SANBR: variants seen among roughly 807,000 people sequenced by gnomAD.
SANBR encodes the protein SANT and BTB domain regulator of CSR, also known as SANT and BTB domain regulator of class switch recombination.
A neutral mutation model predicts 101.8 loss-of-function variants in SANBR; 77 were observed. That is an observed-to-expected ratio of 0.76 (90% confidence interval 0.63 to 0.91). The LOEUF is 0.91. SANBR is among the 40% of genes least tolerant of loss of function. The pLI is 0.00. For synonymous variants in SANBR, 279 were observed against 274.7 expected, an observed-to-expected ratio of 1.02 and a Z score of -0.15; for missense variants, 875 against 853.0, an observed-to-expected ratio of 1.03 and a Z score of -0.32.
intron 16 of SANBR, among the ~76,000 whole-genome samples, chr2:61,115,255 A>G (rs964490637): frequency 6.6e-5 from 10 of 151,958 alleles, no homozygotes; most frequent in Non-Finnish European, 1.3e-4. Context: ...TGCCTCTTCA[A>G]TTTGTTTTGA....
At chr2:61,131,916 G>A (rs1007442985) in intron 20 of SANBR, among the ~76,000 whole-genome samples, 3 of 152,160 alleles carry the variant, frequency 2.0e-5, no homozygotes, top group Non-Finnish European at 4.4e-5. Context: ...TTCATCAAGG[G>A]TGAAAAAGAA....
At position 61,095,911 on chromosome 2, in the gene SANBR, T is replaced by G. The variant is rs77136657; in HGVS notation, c.1213-1789T>G. On this transcript the variant is annotated intron_variant, in intron 11 of 21. Transcript: ENST00000402291. ...TCCCCAACAGCTATTAATGGTATTA[T>G]CCATTCAGGTCTTTCTTCACCCCAG... Among the ~76,000 whole-genome samples, 245 of 152,268 alleles carry G rather than the reference T, an allele frequency of 1.6e-3. 1 individual carries two copies. The highest frequency in any genetic ancestry group is 5.7e-3 in the African/African-American group (235 of 41,554).
intron 5 of SANBR, 38 bp from the exon 6 acceptor site, chr2:61,076,882 C>G (rs1681814693): frequency 1.4e-6 from 2 of 1,452,300 alleles, no homozygotes; most frequent in African/African-American, 2.8e-5. Flanking sequence ...TTTTCTAAAA[C>G]TCTAATAATT....
chr2:61,105,365 C>CAA (rs976027751), intron 13 of SANBR, among the ~76,000 whole-genome samples: 2 of 132,974 alleles, frequency 1.5e-5, no homozygotes, highest in African/African-American at 5.5e-5. Context: ...GACTCCGTCT[C>CAA]AAAAAAAAAA....
chr2:61,071,884 G>A, intron 4 of SANBR, 92 bp downstream of exon 4: 1 of 784,838 alleles, frequency 1.3e-6, no homozygotes, highest in South Asian at 1.8e-5. Flanking sequence ...TTTGTTTAAA[G>A]GCTAATATAA....
intron 11 of SANBR, among the ~76,000 whole-genome samples, chr2:61,093,596 AAG>A (rs1241029592): frequency 6.6e-6 from 1 of 152,164 alleles, no homozygotes; most frequent in African/African-American, 2.4e-5. Flanking sequence ...TCTGTCTCAA[AAG>A]AGAAAAAAAA....
At chr2:61,127,256 A>G (rs1187466805), downstream of SANBR, among the ~76,000 whole-genome samples, 1 of 152,152 alleles carries the variant, frequency 6.6e-6, no homozygotes, top group Non-Finnish European at 1.5e-5. Context: ...GGTATCTCCA[A>G]TATCTGGACT....
At position 61,122,334 on chromosome 2, in the gene SANBR, C is replaced by G. The variant is rs932519277; in HGVS notation, c.*172C>G. The stretch of plus-strand genomic sequence containing the variant: ...ATGCATAGTTAGGTTTTATGAAAAT[C>G]TAATTGTAAATATGAAACTTTTTAA... On this transcript the variant is annotated 3_prime_UTR_variant, in exon 22 of 22. Coordinates refer to ENST00000402291, the MANE Select transcript of SANBR (RefSeq NM_001129993.3). The G allele has an allele frequency of 3.2e-6, 4 of 1,244,684 alleles. No individual in the cohort carries two copies. The Admixed American group carries it at 1.4e-4, about 43-fold the overall frequency. The allele number at this position is 1,244,684 out of a possible 1,614,324, so 77.1% of individuals were successfully genotyped here.
intron 16 of SANBR, among the ~76,000 whole-genome samples, chr2:61,112,230 A>G (rs1453829830): frequency 1.3e-5 from 2 of 152,240 alleles, no homozygotes; most frequent in Non-Finnish European, 2.9e-5. Flanking sequence ...CTGCACATTC[A>G]CATCAATACT....
At chr2:61,116,338 G>A (rs1684079889) in intron 17 of SANBR, among the ~76,000 whole-genome samples, 1 of 152,112 alleles carries the variant, frequency 6.6e-6, no homozygotes, top group South Asian at 2.1e-4. Flanking sequence ...TGCATAAAAT[G>A]TTTCTGGAAG....
downstream of SANBR, among the ~76,000 whole-genome samples, chr2:61,127,893 G>C (rs1684560705): frequency 2.0e-5 from 3 of 152,258 alleles, no homozygotes; most frequent in South Asian, 6.2e-4. Flanking sequence ...AACTCTAAGA[G>C]GTTAAATGCA....
rs1209431557 is a variant in SANBR, at chr2:61,117,522, G to C, written c.1921G>C (p.Asp641His). Residue 641 changes from aspartate to histidine, a missense_variant, in exon 19 of 22, where the codon GAT (aspartate) becomes CAT (histidine). By Grantham distance (81) the Asp-to-His change is moderately conservative (BLOSUM62 -1). Transcript: ENST00000402291. ...CACAAGATCCTTGAGATTCAACCAG[G>C]ATGCACAAAGAGAAGACGGTAAATT... ...DATRSLRFNQ[D>H]AQREDDQRRM... The C allele has an allele frequency of 3.1e-6, 5 of 1,613,254 alleles. No homozygotes were observed. In the Admixed American group the frequency reaches 5.0e-5, roughly 16 times the overall value.
intron 10 of SANBR, among the ~76,000 whole-genome samples, chr2:61,090,902 A>G (rs1264313043): frequency 6.6e-6 from 1 of 151,318 alleles, no homozygotes; most frequent in Admixed American, 6.6e-5. Context: ...AAATTGTTTT[A>G]AAATTCCTTT....
intron 17 of SANBR, among the ~76,000 whole-genome samples, chr2:61,116,510 A>G (rs968313440): frequency 1.3e-5 from 2 of 152,186 alleles, no homozygotes; most frequent in African/African-American, 2.4e-5. Flanking sequence ...TAAATTAAAA[A>G]TAAATCATAT....
At chr2:61,103,109 T>A (rs1016723336) in intron 12 of SANBR, among the ~76,000 whole-genome samples, 1 of 151,848 alleles carries the variant, frequency 6.6e-6, no homozygotes, top group Non-Finnish European at 1.5e-5. Flanking sequence ...AATAACATCA[T>A]TGAATCATAA....
Position 61,088,372 on chromosome 2 carries a change from A to C in SANBR, c.992A>C (p.Lys331Thr). 6.3e-7 allele frequency: 1 copy of C among 1,593,510 alleles called. No individual in the cohort carries two copies. Among genetic ancestry groups the C allele is most frequent in the Non-Finnish European group, 8.5e-7 (1 of 1,171,288 alleles). The change falls in exon 10 of 22, where the codon AAG becomes ACG. Residue 331 changes from lysine to threonine, a missense_variant. Lys to Thr is a moderately conservative substitution (Grantham distance 78, BLOSUM62 -1). Coordinates refer to ENST00000402291, the MANE Select transcript of SANBR (RefSeq NM_001129993.3). ...AATLYRCCLC[K>T]KLLTKETERR... is the part of the protein sequence containing the mutation. ...TTTGTTTATAGATGCTGTTTGTGTA[A>C]GAAACTTTTAACAAAAGAAACAGAA...
chr2:61,098,109 GT>G (rs34130593), intron 12 of SANBR, among the ~76,000 whole-genome samples: 78,536 of 127,872 alleles, frequency 0.61, 24,823 homozygotes, highest in African/African-American at 0.85. Flanking sequence ...TTGTTTTTTT[GT>G]TTTTTTTTTT....
chr2:61,137,312 A>G (rs1480028193), intron 21 of SANBR, among the ~76,000 whole-genome samples: 1 of 151,808 alleles, frequency 6.6e-6, no homozygotes, highest in East Asian at 1.9e-4. Context: ...TAATAATGAA[A>G]TGTTTCTCCT....
intron 11 of SANBR, among the ~76,000 whole-genome samples, chr2:61,096,238 G>T (rs929979819): frequency 1.3e-5 from 2 of 152,034 alleles, no homozygotes; most frequent in African/African-American, 4.8e-5. Flanking sequence ...CACCAATGGT[G>T]CCCCCTGCAC....
Sources: allele counts gnomAD v4.1 joint callset (sites outside exome capture counted in the v4.1 genomes callset), GRCh38; gene constraint gnomAD v4.1.1; transcripts MANE v1.5; gene names NCBI Gene and HGNC (gene_info 2026-07-23, HGNC 2026-07-21).